PRKN: variants seen among roughly 807,000 people sequenced by gnomAD.
PRKN encodes the protein parkin RBR E3 ubiquitin protein ligase.
Under a neutral mutation model 59.5 loss-of-function variants are expected in PRKN, and 56 were observed. That is an observed-to-expected ratio of 0.94 (90% CI 0.76 to 1.18). The LOEUF (loss-of-function observed/expected upper bound fraction) is 1.18. Among genes scored for constraint, PRKN ranks in the 50% most tolerant of loss-of-function variants. PRKN has a pLI of 0.00. For missense variants in PRKN, 657 were observed against 596.4 expected (o/e 1.10, Z -1.06); for synonymous variants, 250 against 222.1 (o/e 1.13, Z -1.12).
In PRKN at chr6:161,428,013, T is replaced by G. The variant is rs1934920527; in HGVS notation, c.1084-41136A>C. ...AGAGGGTCCCGACAGAGGGTGACAC[T>G]TGCATGGTTGCAGAAGGAAGCTCGC... is the stretch of plus-strand genomic sequence containing the variant. On this transcript the variant is annotated intron_variant, in intron 9 of 11. Coordinates refer to ENST00000366898, the MANE Select transcript of PRKN (RefSeq NM_004562.3). This position sits in a 1 kb window ranked among gnomAD's most constrained non-coding sequence, Gnocchi z 4.0. 6.6e-6 allele frequency among the ~76,000 whole-genome samples: 1 copy of G among 152,146 alleles called. No homozygotes were observed. Among genetic ancestry groups the G allele is most frequent in the Admixed American group, 6.5e-5 (1 of 15,282 alleles).
intron 6 of PRKN, among the ~76,000 whole-genome samples, chr6:161,886,654 G>A (rs1432866783): frequency 6.6e-5 from 10 of 151,728 alleles, no homozygotes; most frequent in South Asian, 4.2e-4. Context: ...CCGAGATCGC[G>A]CCACTGCACT....
chr6:162,445,945 C>T (rs6905594), intron 1 of PRKN, among the ~76,000 whole-genome samples: 13,591 of 151,860 alleles, frequency 0.089, 681 homozygotes, highest in African/African-American at 0.14. Flanking sequence ...ACCACAAGAA[C>T]AAAGGCCTGA....
intron 2 of PRKN, among the ~76,000 whole-genome samples, chr6:162,342,752 T>C (rs1016232516): frequency 6.6e-6 from 1 of 152,164 alleles, no homozygotes; most frequent in African/African-American, 2.4e-5. Flanking sequence ...ACTAGAGTGA[T>C]TTTCCTCCTT....
At chr6:162,146,507 T>C (rs577248836) in intron 4 of PRKN, among the ~76,000 whole-genome samples, 10 of 150,772 alleles carry the variant, frequency 6.6e-5, no homozygotes, top group African/African-American at 2.4e-4. Context: ...ATTATATATA[T>C]ATAAATTTTT....
At chr6:162,184,908 T>G (rs1783959382) in intron 4 of PRKN, among the ~76,000 whole-genome samples, 2 of 152,158 alleles carry the variant, frequency 1.3e-5, no homozygotes, top group Admixed American at 1.3e-4. Flanking sequence ...AGTTTCTGTC[T>G]CCTAAATGAA....
At chr6:161,689,674 C>T (rs1197762854) in intron 7 of PRKN, among the ~76,000 whole-genome samples, 2 of 151,966 alleles carry the variant, frequency 1.3e-5, no homozygotes, top group Non-Finnish European at 2.9e-5. Context: ...ATCATTTATC[C>T]GAGGGTTCTT....
At chr6:162,389,011 A>G (rs1178942337) in intron 2 of PRKN, among the ~76,000 whole-genome samples, 1 of 150,614 alleles carries the variant, frequency 6.6e-6, no homozygotes, top group Non-Finnish European at 1.5e-5. Context: ...CCTCCAGAAA[A>G]AAAAAAAAAA....
intron 6 of PRKN, among the ~76,000 whole-genome samples, chr6:161,825,373 T>C (rs1371794239): frequency 6.6e-6 from 1 of 152,122 alleles, no homozygotes; most frequent in East Asian, 1.9e-4. Context: ...TCCCAAATGG[T>C]GTAATTTAAG....
rs548259495 is a variant in PRKN, at chr6:161,613,354, T to C, written c.872-43938A>G. On this transcript the variant is annotated intron_variant, in intron 7 of 11. Coordinates refer to ENST00000366898, the MANE Select transcript of PRKN (RefSeq NM_004562.3). ...TGAACTGATCAGGAGTTGCTTCTTA[T>C]GGATGCGCAAAGATTTTTTTTTTTT... 7.3e-5 allele frequency among the ~76,000 whole-genome samples: 11 copies of C among 150,236 alleles called. No homozygotes were observed. The South Asian group carries it at 2.4e-3, about 33-fold the overall frequency.
At chr6:162,634,441 C>G (rs1049964688) in intron 1 of PRKN, among the ~76,000 whole-genome samples, 4 of 152,124 alleles carry the variant, frequency 2.6e-5, no homozygotes, top group African/African-American at 9.7e-5. Flanking sequence ...GCTCCCTGTT[C>G]TGCTGTTTCT....
chr6:162,453,509 T>G (rs1485324400), intron 1 of PRKN, among the ~76,000 whole-genome samples: 2 of 152,186 alleles, frequency 1.3e-5, no homozygotes, highest in Non-Finnish European at 2.9e-5. Flanking sequence ...TAGAACCCTC[T>G]GTGTGGGTTC....
intron 6 of PRKN, among the ~76,000 whole-genome samples, chr6:161,904,480 T>C (rs1778065030): frequency 6.6e-6 from 1 of 151,914 alleles, no homozygotes; most frequent in Non-Finnish European, 1.5e-5. Context: ...CACGCCCAGC[T>C]AATTTTTTGT....
chr6:162,069,782 T>C (rs907467505), intron 4 of PRKN, among the ~76,000 whole-genome samples: 7 of 152,188 alleles, frequency 4.6e-5, no homozygotes, highest in African/African-American at 1.7e-4. Context: ...AAAACAATAA[T>C]TAAGAGAAGA....
intron 6 of PRKN, among the ~76,000 whole-genome samples, chr6:161,943,209 C>T (rs1487048040): frequency 6.6e-6 from 1 of 152,186 alleles, no homozygotes; most frequent in African/African-American, 2.4e-5. Context: ...TACAATTCTC[C>T]TCCCAACATC....
chr6:161,631,153 T>TAGC (rs969855946), intron 7 of PRKN, among the ~76,000 whole-genome samples: 3 of 152,308 alleles, frequency 2.0e-5, no homozygotes, highest in African/African-American at 7.2e-5. Context: ...AACTCTGCCG[T>TAGC]AGCAGACAGG....
At position 162,237,223 on chromosome 6, in the gene PRKN, G is replaced by C. The variant is rs924814982; in HGVS notation, c.412+25302C>G. On this transcript the variant is annotated intron_variant, in intron 3 of 11. Transcript: ENST00000366898. ...TTTATGACTTGGAAAGATAAATTTA[G>C]CATGGAAAAAAATGTGATTATTAGA... Among the ~76,000 whole-genome samples the C allele has an allele frequency of 8.5e-5, 13 of 152,066 alleles. 1 individual carries two copies. The highest frequency in any genetic ancestry group is 7.9e-4 in the Admixed American group (12 of 15,264).
chr6:161,553,881 C>T (rs762732522), intron 8 of PRKN, among the ~76,000 whole-genome samples: 10 of 152,174 alleles, frequency 6.6e-5, no homozygotes, highest in Non-Finnish European at 1.5e-5. Context: ...TCAATAGCTT[C>T]CTCGCTATCT....
chr6:162,406,119 G>T lies in PRKN; in HGVS notation c.171+37191C>A, dbSNP rs549225569. On this transcript the variant is annotated intron_variant, in intron 2 of 11. Transcript: ENST00000366898. ...TAATGACAGCTACCATTTAGCAAGGGCTTTTTATGTGCCAGGCACCAAACT... is the reference window on the plus strand; with the variant it reads ...TAATGACAGCTACCATTTAGCAAGGTCTTTTTATGTGCCAGGCACCAAACT... 4.6e-5 allele frequency among the ~76,000 whole-genome samples: 7 copies of T among 152,246 alleles called. No individual in the cohort carries two copies. In the South Asian group the frequency reaches 1.5e-3, roughly 32 times the overall value.
chr6:162,281,990 C>T lies in PRKN; in HGVS notation c.172-19225G>A, dbSNP rs139530851. ...CTAGATACCTCACACGTGCAGTTCA[C>T]AATAGGGTTTGCACTCCTATGAGAA... is the stretch of plus-strand genomic sequence containing the variant. On this transcript the variant is annotated intron_variant, in intron 2 of 11. Coordinates refer to ENST00000366898, the MANE Select transcript of PRKN (RefSeq NM_004562.3). Among the ~76,000 whole-genome samples the T allele has an allele frequency of 1.6e-3, 239 of 152,248 alleles. 1 individual carries two copies. Among genetic ancestry groups the T allele is most frequent in the African/African-American group, 5.4e-3 (223 of 41,548 alleles).
Sources: gnomAD v4.1 joint callset for allele counts (sites outside exome capture counted in the v4.1 genomes callset) on GRCh38, gnomAD v4.1.1 for gene constraint, Gnocchi (gnomAD v3.1) non-coding constraint, MANE v1.5 for transcripts, NCBI Gene and HGNC (gene_info 2026-07-23, HGNC 2026-07-21) for gene names.